BNIP1: variants seen among roughly 807,000 people sequenced by gnomAD.
The protein encoded by BNIP1 is BCL2 interacting protein 1.
In BNIP1, 25 loss-of-function variants were observed where a neutral mutation model predicts 28.5. The observed-to-expected ratio is 0.88, with a 90% CI of 0.64 to 1.23. The LOEUF is 1.23. Among genes scored for constraint, BNIP1 ranks in the 50% most tolerant of loss-of-function variants. The pLI is 0.00. For missense variants in BNIP1, 276 were observed against 277.0 expected (o/e 1.00, Z 0.02); for synonymous variants, 118 against 101.7 (o/e 1.16, Z -0.96).
intron 2 of BNIP1, among the ~76,000 whole-genome samples, chr5:173,148,086 AT>A (rs1759908979): frequency 1.7e-3 from 40 of 23,114 alleles, no homozygotes; most frequent in South Asian, 3.8e-3. Flanking sequence ...AAAAAAAAAT[AT>A]ATATATATAT....
intron 2 of BNIP1, among the ~76,000 whole-genome samples, chr5:173,148,084 ATATATATAT>A (rs1476128015): frequency 4.2e-3 from 72 of 16,970 alleles, no homozygotes; most frequent in Non-Finnish European, 4.9e-3. Flanking sequence ...AAAAAAAAAA[ATATATATAT>A]ATATATATAT....
Position 173,144,703 on chromosome 5 carries a change from G to A in BNIP1, c.84+74G>A. ...TCTGCTGGTCTGTGAGCTTGGCAGT[G>A]TCACTCCCGAACTTTCCCCACTTGG... On this transcript the variant is annotated intron_variant, in intron 1 of 5. Coordinates refer to ENST00000351486, the MANE Select transcript of BNIP1 (RefSeq NM_001205.3). The A allele has an allele frequency of 2.0e-6, 3 of 1,510,424 alleles. No homozygotes were observed. In the South Asian group the frequency reaches 3.4e-5, roughly 17 times the overall value. The allele number at this position is 1,510,424 out of a possible 1,614,324, so 93.6% of individuals were successfully genotyped here. A position where few individuals can be genotyped will look rare whatever the true frequency, so the allele number is the denominator to read the frequency against.
chr5:173,155,557 G>A (rs1760160125), intron 3 of BNIP1, among the ~76,000 whole-genome samples: 1 of 152,032 alleles, frequency 6.6e-6, no homozygotes, highest in Non-Finnish European at 1.5e-5. Context: ...AATTAGCCGG[G>A]TGTGGTGGCA....
intron 2 of BNIP1, among the ~76,000 whole-genome samples, chr5:173,148,017 C>T (rs1164161436): frequency 2.4e-5 from 3 of 127,080 alleles, no homozygotes; most frequent in Non-Finnish European, 3.2e-5. Context: ...GAGCAGAGAT[C>T]GTGCCACTGC....
chr5:173,147,023 C>T (rs1358663410), intron 2 of BNIP1, 65 bp downstream of exon 2: 13 of 1,316,710 alleles, frequency 9.9e-6, no homozygotes, highest in Admixed American at 5.2e-5. Flanking sequence ...GCTTGAGAGC[C>T]GTCTGGGTTC....
At position 173,159,339 on chromosome 5, in the gene BNIP1, G is replaced by A. The variant is rs186233090; in HGVS notation, c.371+494G>A. ...TAGGCGTGAGCCACCATGCCCGGCC[G>A]AAAATATCAAATCTTATTACTCATG... On this transcript the variant is annotated intron_variant, in intron 4 of 5. Coordinates refer to ENST00000351486, the MANE Select transcript of BNIP1 (RefSeq NM_001205.3). Among the ~76,000 whole-genome samples the A allele has an allele frequency of 8.5e-5, 13 of 152,140 alleles. 1 individual carries two copies. Among genetic ancestry groups the A allele is most frequent in the Admixed American group, 8.5e-4 (13 of 15,270 alleles).
chr5:173,160,598 T>C (rs2113860778), intron 5 of BNIP1, among the ~76,000 whole-genome samples: 1 of 152,150 alleles, frequency 6.6e-6, no homozygotes, highest in East Asian at 1.9e-4. Context: ...AGCATTCCCA[T>C]GTGTTCATGT....
At chr5:173,154,440 G>A (rs1312125725) in intron 3 of BNIP1, 27 bp downstream of exon 3, 3 of 1,570,512 alleles carry the variant, frequency 1.9e-6, no homozygotes, top group South Asian at 1.1e-5. Flanking sequence ...CCCGCCAGCG[G>A]CTTCTGCTGG....
Position 173,146,914 on chromosome 5 carries a change from A to T in BNIP1, c.133A>T (p.Thr45Ser). The T allele has an allele frequency of 1.2e-6, 2 of 1,614,098 alleles. No individual in the cohort carries two copies. The highest frequency in any genetic ancestry group is 1.7e-6 in the Non-Finnish European group (2 of 1,179,972). ...GPLSALTELN[T>S]KVKEKFQQLR... ...CTTAAGTGCTCTTACTGAACTGAAT[A>T]CTAAAGTAAAAGAGAAATTTCAACA... is the stretch of plus-strand genomic sequence containing the variant. The change falls in exon 2 of 6, where the codon ACT becomes TCT. Residue 45 changes from threonine (T) to serine (S), a missense_variant. Thr to Ser is a moderately conservative substitution (Grantham distance 58). Transcript: ENST00000351486.
intron 2 of BNIP1, among the ~76,000 whole-genome samples, chr5:173,150,539 C>G (rs1383113314): frequency 6.6e-6 from 1 of 152,170 alleles, no homozygotes; most frequent in Non-Finnish European, 1.5e-5. Context: ...GCCTTCATCT[C>G]CAGTACTGAT....
Position 173,163,714 on chromosome 5 carries a change from T to C in BNIP1, c.491-11T>C, listed in dbSNP as rs1171289434. ...GTCTCTGAGTTGGGCCTCCTTCCTC[T>C]TTTGTTTCAGTCACTTCTTCACGAA... On this transcript the variant is annotated splice_polypyrimidine_tract_variant and intron_variant, in intron 5 of 5. Transcript: ENST00000351486. The C allele has an allele frequency of 2.5e-6, 4 of 1,574,484 alleles. No homozygotes were observed. The highest frequency in any genetic ancestry group is 1.4e-5 in the African/African-American group (1 of 73,674).
chr5:173,150,541 AGT>A (rs1403428315), intron 2 of BNIP1, among the ~76,000 whole-genome samples: 1 of 152,182 alleles, frequency 6.6e-6, no homozygotes, highest in Non-Finnish European at 1.5e-5. Flanking sequence ...CTTCATCTCC[AGT>A]ACTGATTTAA....
chr5:173,158,604 G>C lies in BNIP1; in HGVS notation c.270-140G>C, dbSNP rs183600088. On this transcript the variant is annotated intron_variant, in intron 3 of 5. Transcript: ENST00000351486. Reference sequence around the variant, plus strand: ...TGCTGGGGAACCAGGAGGCGGAAGTGGCAGGAGGTGGGATGGGCTCTGAAG... The same window carrying C: ...TGCTGGGGAACCAGGAGGCGGAAGTCGCAGGAGGTGGGATGGGCTCTGAAG... The C allele has an allele frequency of 3.1e-5, 19 of 619,348 alleles. No individual in the cohort carries two copies. The African/African-American group carries it at 3.4e-4, about 11-fold the overall frequency. 38.4% of individuals were successfully genotyped at this position (619,348 alleles called of 1,614,324 possible). A position where few individuals can be genotyped will look rare whatever the true frequency, so the allele number is the denominator to read the frequency against.
At position 173,164,128 on chromosome 5, in the gene BNIP1, G is replaced by A; in HGVS notation, c.*207G>A. The A allele has an allele frequency of 2.1e-6, 1 of 470,244 alleles. No homozygotes were observed. The highest frequency in any genetic ancestry group is 3.7e-6 in the Non-Finnish European group (1 of 273,722). The allele number at this position is 470,244 out of a possible 1,614,324, so 29.1% of individuals were successfully genotyped here. On this transcript the variant is annotated 3_prime_UTR_variant, in exon 6 of 6. Transcript: ENST00000351486. This position sits in a 1 kb window ranked among gnomAD's most constrained non-coding sequence, Gnocchi z 4.0. ...CCATGGGAGGAAGGTCTGGCATTGG[G>A]ATGCCGCCCTGGGGACATACGAACC...
intron 5 of BNIP1, 37 bp from the exon 6 acceptor site, chr5:173,163,688 A>G (rs1312530361): frequency 6.5e-7 from 1 of 1,532,342 alleles, no homozygotes; most frequent in Non-Finnish European, 8.8e-7. Flanking sequence ...CTTGAGCTGC[A>G]GTCTCTGAGT....
At chr5:173,152,317 T>TGA (rs1215675943) in intron 2 of BNIP1, among the ~76,000 whole-genome samples, 3 of 152,208 alleles carry the variant, frequency 2.0e-5, no homozygotes, top group African/African-American at 7.2e-5. Flanking sequence ...GTGAATAATG[T>TGA]GAGATACAGC....
chr5:173,149,851 C>T (rs1456345687), intron 2 of BNIP1, among the ~76,000 whole-genome samples: 1 of 152,126 alleles, frequency 6.6e-6, no homozygotes, highest in Non-Finnish European at 1.5e-5. Flanking sequence ...CATTAGGGAT[C>T]CACCCCCATG....
Position 173,157,912 on chromosome 5 carries a change from G to T in BNIP1, c.270-832G>T, listed in dbSNP as rs540654433. On this transcript the variant is annotated intron_variant, in intron 3 of 5. Transcript: ENST00000351486. ...AAATATTTTGAAAGATTGGCTTTTT[G>T]TGTGTGTGTGTGTGTTTTTTTTTTT... 9.8e-4 allele frequency among the ~76,000 whole-genome samples: 143 copies of T among 146,110 alleles called. 1 individual carries two copies. The Middle Eastern group carries it at 0.014, about 15-fold the overall frequency.
intron 5 of BNIP1, among the ~76,000 whole-genome samples, chr5:173,163,098 A>C (rs1166464141): frequency 6.6e-6 from 1 of 152,220 alleles, no homozygotes; most frequent in Non-Finnish European, 1.5e-5. Flanking sequence ...TCAGGCCCAG[A>C]TACCCATATT....
Sources: allele counts gnomAD v4.1 joint callset (sites outside exome capture counted in the v4.1 genomes callset), GRCh38; gene constraint gnomAD v4.1.1; non-coding constraint Gnocchi (gnomAD v3.1); transcripts MANE v1.5; gene names NCBI Gene and HGNC (gene_info 2026-07-23, HGNC 2026-07-21).